Variants in MYO1H observed in about 807,000 individuals in gnomAD.
MYO1H encodes myosin IH, also known as unconventional myosin-Ih.
Under a neutral mutation model 149.3 loss-of-function variants are expected in MYO1H, and 118 were observed. That is an observed-to-expected ratio of 0.79 (90% confidence interval 0.68 to 0.92). MYO1H has a LOEUF of 0.92. Among genes scored for constraint, MYO1H ranks in the 40% least tolerant of loss-of-function variants. MYO1H has a pLI of 0.00. For synonymous variants in MYO1H, 447 were observed against 465.2 expected, an observed-to-expected ratio of 0.96 and a Z score of 0.50; for missense variants, 1,212 against 1,280.7, an observed-to-expected ratio of 0.95 and a Z score of 0.82.
the MYO1H span, among the ~76,000 whole-genome samples, chr12:109,312,769 G>GT: frequency 1.4e-5 from 2 of 140,006 alleles, no homozygotes; most frequent in African/African-American, 5.6e-5. Flanking sequence ...GGTTTTTTTT[G>GT]TTTGTTTTTT....
chr12:109,412,657 G>A (rs1318275328), intron 14 of MYO1H, among the ~76,000 whole-genome samples: 1 of 152,082 alleles, frequency 6.6e-6, no homozygotes. Flanking sequence ...ATCAGATATA[G>A]AGTACCACAT....
the MYO1H span, among the ~76,000 whole-genome samples, chr12:109,310,633 T>G: frequency 6.6e-6 from 1 of 151,296 alleles, no homozygotes; most frequent in Non-Finnish European, 1.5e-5. Context: ...TTAAACCCAG[T>G]GTTTAAGTTC....
At chr12:109,389,708 T>G (rs1387296511) in intron 2 of MYO1H, among the ~76,000 whole-genome samples, 2 of 152,206 alleles carry the variant, frequency 1.3e-5, no homozygotes, top group Non-Finnish European at 2.9e-5. Flanking sequence ...GTAAACTTCA[T>G]AGTGTCCCTG....
intron 1 of MYO1H, among the ~76,000 whole-genome samples, chr12:109,381,877 T>G (rs571968064): frequency 2.6e-5 from 4 of 152,320 alleles, no homozygotes; most frequent in South Asian, 4.1e-4. Context: ...CATATAAACC[T>G]TTAATTTGTA....
the MYO1H span, among the ~76,000 whole-genome samples, chr12:109,328,764 C>G: frequency 1.3e-5 from 2 of 151,562 alleles, no homozygotes; most frequent in African/African-American, 4.8e-5. Flanking sequence ...CAAGTATTTT[C>G]TTTTTTCCAG....
chr12:109,375,455 C>A (rs1018244012), intron 1 of MYO1H, among the ~76,000 whole-genome samples: 1 of 152,116 alleles, frequency 6.6e-6, no homozygotes, highest in Non-Finnish European at 1.5e-5. Flanking sequence ...ACCCGGCCAG[C>A]CATTCAATTT....
intron 5 of MYO1H, among the ~76,000 whole-genome samples, chr12:109,400,343 T>C (rs1870109974): frequency 6.6e-6 from 1 of 152,200 alleles, no homozygotes; most frequent in Admixed American, 6.5e-5. Context: ...GGTTGCTCCA[T>C]ACCCTTGCCA....
At chr12:109,426,705 G>A (rs1019362237) in intron 18 of MYO1H, among the ~76,000 whole-genome samples, 1 of 152,122 alleles carries the variant, frequency 6.6e-6, no homozygotes, top group Admixed American at 6.6e-5. Flanking sequence ...TATGACTTGG[G>A]TAGTTTCTAA....
At chr12:109,368,831 A>C (rs1280641409) in intron 1 of MYO1H, among the ~76,000 whole-genome samples, 1 of 151,662 alleles carries the variant, frequency 6.6e-6, no homozygotes, top group Non-Finnish European at 1.5e-5. Flanking sequence ...CCCCTCCAGC[A>C]GTCCTCAGTT....
rs1555255542 is a variant in MYO1H, at chr12:109,443,045, T to TGTGTATATATGTGTAC, written c.2689-467_2689-466insGTATATATGTGTACGT. Reference sequence around the variant, plus strand: ...ATATATATATGTGTGTGTGTGTGTGTGTATATATGTGTACGTATGTGTGTA... The same window carrying TGTGTATATATGTGTAC: ...ATATATATATGTGTGTGTGTGTGTGTGTGTATATATGTGTACGTATATATGTGTACGTATGTGTGTA... On this transcript the variant is annotated intron_variant, in intron 27 of 31. Coordinates refer to ENST00000310903, the Ensembl canonical transcript of MYO1H. Among the ~76,000 whole-genome samples the TGTGTATATATGTGTAC allele has an allele frequency of 3.5e-3, 324 of 93,512 alleles. 71 individuals carry two copies. The highest frequency in any genetic ancestry group is 0.014 in the African/African-American group (271 of 19,046). The allele number at this position is 93,512 out of a possible 152,430, so 61.3% of individuals were successfully genotyped here.
At chr12:109,349,009 A>G (rs989598577) in intron 1 of MYO1H, among the ~76,000 whole-genome samples, 3 of 152,310 alleles carry the variant, frequency 2.0e-5, no homozygotes, top group Middle Eastern at 3.4e-3. Flanking sequence ...TTGACCGAAA[A>G]TGTATCTGAA....
At chr12:109,340,179 T>C in the MYO1H span, among the ~76,000 whole-genome samples, 1 of 152,180 alleles carries the variant, frequency 6.6e-6, no homozygotes, top group Non-Finnish European at 1.5e-5. Flanking sequence ...GTTCATTTTT[T>C]TAATTTATTT....
intron 20 of MYO1H, 80 bp downstream of exon 20, chr12:109,433,090 G>A: frequency 8.7e-7 from 1 of 1,147,292 alleles, no homozygotes; most frequent in Non-Finnish European, 1.3e-6. Context: ...TCCATCTAGA[G>A]CCTGGAGACT....
intron 15 of MYO1H, among the ~76,000 whole-genome samples, chr12:109,418,541 G>T (rs963891304): frequency 6.6e-6 from 1 of 151,264 alleles, no homozygotes; most frequent in African/African-American, 2.4e-5. Flanking sequence ...GTAGAGACAG[G>T]GTTTTGTTTT....
exon 2 of MYO1H, chr12:109,388,683 AAAG>A: frequency 6.4e-7 from 1 of 1,558,430 alleles, no homozygotes; most frequent in Non-Finnish European, 8.7e-7. Context: ...TTTCCCGTAG[AAAG>A]AAGACGTGAG....
chr12:109,314,916 A>G, the MYO1H span, among the ~76,000 whole-genome samples: 10 of 152,242 alleles, frequency 6.6e-5, no homozygotes, highest in South Asian at 2.1e-4. Flanking sequence ...CTTGGGCCAC[A>G]TGGTAAAACC....
At chr12:109,407,561 C>G (rs1180868476) in intron 9 of MYO1H, among the ~76,000 whole-genome samples, 4 of 127,378 alleles carry the variant, frequency 3.1e-5, no homozygotes, top group Non-Finnish European at 6.3e-5. Flanking sequence ...CCCAGGAGTT[C>G]AAGACCAGCC....
rs60551691 is a variant in MYO1H, at chr12:109,396,814, G to GTTTTTTTTTTTTTTTTTTT, written c.489+244_489+262dup. ...GACATTTGGTTTTTGTTTTGGTTTCGTTTTTTTTTTTTTTTTTTTTTTTTT... is the reference window on the plus strand; with the variant it reads ...GACATTTGGTTTTTGTTTTGGTTTCGTTTTTTTTTTTTTTTTTTTTTTTTTTTTTTTTTTTTTTTTTTTT... On this transcript the variant is annotated intron_variant, in intron 4 of 31. Transcript: ENST00000310903. 1.7e-3 allele frequency among the ~76,000 whole-genome samples: 88 copies of GTTTTTTTTTTTTTTTTTTT among 51,074 alleles called. 14 individuals are homozygous for GTTTTTTTTTTTTTTTTTTT. The highest frequency in any genetic ancestry group is 2.3e-3 in the Non-Finnish European group (58 of 25,118). 33.5% of individuals were successfully genotyped at this position (51,074 alleles called of 152,430 possible). A position where few individuals can be genotyped will look rare whatever the true frequency, so the allele number is the denominator to read the frequency against.
At chr12:109,442,997 G>GAAA (rs35940183) in intron 27 of MYO1H, among the ~76,000 whole-genome samples, 18 of 67,800 alleles carry the variant, frequency 2.7e-4, no homozygotes, top group Middle Eastern at 0.015. Flanking sequence ...AGAGAGCCAG[G>GAAA]AAAAAAAAAA....
Sources: allele counts gnomAD v4.1 joint callset (sites outside exome capture counted in the v4.1 genomes callset), GRCh38; gene constraint gnomAD v4.1.1; transcripts MANE v1.5; gene names NCBI Gene and HGNC (gene_info 2026-07-23, HGNC 2026-07-21).